The following FLRT2 variants were observed in gnomAD, a reference collection of about 807,000 sequenced individuals.
The protein encoded by FLRT2 is fibronectin leucine rich transmembrane protein 2.
Under a neutral mutation model 40.0 loss-of-function variants are expected in FLRT2, and 15 were observed. The observed-to-expected ratio is 0.38, with a 90% CI of 0.25 to 0.58. FLRT2 has a LOEUF of 0.58. FLRT2 is among the 20% of genes least tolerant of loss of function. The pLI, the probability that FLRT2 is intolerant of heterozygous loss-of-function variation, is 0.71. For missense variants in FLRT2, 726 were observed against 840.0 expected (o/e 0.86, Z 1.68); for synonymous variants, 380 against 336.8 (o/e 1.13, Z -1.41).
rs952859962 is a variant in FLRT2 at position 85,628,763 on chromosome 14, T to C, written c.*5266T>C. ...AGACAGTGCTAACAAGTAATTCATA[T>C]TACTTTTGGGGATTTTATGTAAAGT... On this transcript the variant is annotated 3_prime_UTR_variant, in exon 2 of 2. Coordinates refer to ENST00000330753, the MANE Select transcript of FLRT2 (RefSeq NM_013231.6). 1 of 152,228 alleles carries C rather than the reference T, an allele frequency of 6.6e-6. No homozygotes were observed. The highest frequency in any genetic ancestry group is 1.5e-5 in the Non-Finnish European group (1 of 68,040). 9.4% of individuals were successfully genotyped at this position (152,228 alleles called of 1,614,324 possible). A position where few individuals can be genotyped will look rare whatever the true frequency, so the allele number is the denominator to read the frequency against.
chr14:85,643,073 C>T lies in FLRT2; in HGVS notation c.*19576C>T, dbSNP rs1468371200. 2 of 152,096 alleles carry T rather than the reference C, an allele frequency of 1.3e-5. No individual in the cohort carries two copies. Among genetic ancestry groups the T allele is most frequent in the Admixed American group, 6.5e-5 (1 of 15,272 alleles). The allele number at this position is 152,096 out of a possible 1,614,324, so 9.4% of individuals were successfully genotyped here. A position where few individuals can be genotyped will look rare whatever the true frequency, so the allele number is the denominator to read the frequency against. On this transcript the variant is annotated 3_prime_UTR_variant, in exon 2 of 2. Coordinates refer to ENST00000330753, the MANE Select transcript of FLRT2 (RefSeq NM_013231.6). The stretch of plus-strand genomic sequence containing the variant: ...TGTCTCTTTTTATTAGGTCATTATT[C>T]TCAACATGAGGGCTCCACCCTTATG...
At chr14:85,570,560 AT>A (rs1184113624) in intron 1 of FLRT2, among the ~76,000 whole-genome samples, 10 of 103,112 alleles carry the variant, frequency 9.7e-5, no homozygotes, top group East Asian at 2.8e-4. Flanking sequence ...ATTTTTATTT[AT>A]TTTATTTATT....
chr14:85,551,524 T>G (rs1889617482), intron 1 of FLRT2, among the ~76,000 whole-genome samples: 1 of 152,230 alleles, frequency 6.6e-6, no homozygotes, highest in Non-Finnish European at 1.5e-5. Flanking sequence ...CCTCCATTTG[T>G]CCTGTTTATT....
At chr14:85,573,869 C>A (rs991004475) in intron 1 of FLRT2, among the ~76,000 whole-genome samples, 8 of 152,234 alleles carry the variant, frequency 5.3e-5, no homozygotes, top group African/African-American at 1.9e-4. Flanking sequence ...TATACCACAT[C>A]TAAAGGCTCA....
At chr14:85,602,585 G>A (rs1324857338) in intron 1 of FLRT2, among the ~76,000 whole-genome samples, 3 of 152,168 alleles carry the variant, frequency 2.0e-5, no homozygotes, top group Non-Finnish European at 4.4e-5. Flanking sequence ...CTCAGCACAG[G>A]GAACTATGAT....
rs1329594559 is a variant in FLRT2, at chr14:85,558,324, C to G, written c.-377+27790C>G. On this transcript the variant is annotated intron_variant, in intron 1 of 1. Coordinates refer to ENST00000330753, the MANE Select transcript of FLRT2 (RefSeq NM_013231.6). ...AATCCTTCAACATTTATCTTTGCATCAAAAATAAATTTTTTAAAAAAAGTA... is the reference window on the plus strand; with the variant it reads ...AATCCTTCAACATTTATCTTTGCATGAAAAATAAATTTTTTAAAAAAAGTA... Among the ~76,000 whole-genome samples, 3 of 151,014 alleles carry G rather than the reference C, an allele frequency of 2.0e-5. No individual in the cohort carries two copies. In the East Asian group the frequency reaches 5.8e-4, roughly 29 times the overall value.
In FLRT2 at chr14:85,614,242, G is replaced by A. The variant is rs539648219; in HGVS notation, c.-376-6897G>A. Among the ~76,000 whole-genome samples the A allele has an allele frequency of 2.0e-5, 3 of 152,302 alleles. No individual in the cohort carries two copies. In the South Asian group the frequency reaches 6.2e-4, roughly 32 times the overall value. ...CCTCTGTCTCCAGAGCCCAGCTCTTGCTCATAACACCTTTTCTACCTCTCT... is the reference window on the plus strand; with the variant it reads ...CCTCTGTCTCCAGAGCCCAGCTCTTACTCATAACACCTTTTCTACCTCTCT... On this transcript the variant is annotated intron_variant, in intron 1 of 1. Coordinates refer to ENST00000330753, the MANE Select transcript of FLRT2 (RefSeq NM_013231.6).
chr14:85,620,831 A>G (rs1021557491), intron 1 of FLRT2, among the ~76,000 whole-genome samples: 4 of 152,186 alleles, frequency 2.6e-5, no homozygotes, highest in African/African-American at 9.7e-5. Context: ...GTTGTAATTA[A>G]GTGTTTGGAT....
At chr14:85,552,564 A>C (rs1044552808) in intron 1 of FLRT2, among the ~76,000 whole-genome samples, 1 of 152,166 alleles carries the variant, frequency 6.6e-6, no homozygotes, top group Admixed American at 6.5e-5. Flanking sequence ...CAACTGCCTG[A>C]ATCATGCCCA....
rs1347748816 is a variant in FLRT2, at chr14:85,628,073, C to T, written c.*4576C>T. 6.5e-5 allele frequency: 10 copies of T among 153,698 alleles called. No individual in the cohort carries two copies. Among genetic ancestry groups the T allele is most frequent in the African/African-American group, 2.4e-4 (10 of 41,394 alleles). 9.5% of individuals were successfully genotyped at this position (153,698 alleles called of 1,614,324 possible). On this transcript the variant is annotated 3_prime_UTR_variant, in exon 2 of 2. Coordinates refer to ENST00000330753, the MANE Select transcript of FLRT2 (RefSeq NM_013231.6). ...TGAATATGACTTGCATTTCTAAAGG[C>T]CATTTGATCCTTTTTGTGTGAGGAG...
intron 1 of FLRT2, among the ~76,000 whole-genome samples, chr14:85,613,575 C>G (rs999470954): frequency 6.6e-6 from 1 of 152,162 alleles, no homozygotes; most frequent in Non-Finnish European, 1.5e-5. Flanking sequence ...TTGAAGATGT[C>G]AAAGAGTTTT....
Position 85,652,181 on chromosome 14 carries a change from T to C in FLRT2, c.*28684T>C, listed in dbSNP as rs987942900. The C allele has an allele frequency of 6.6e-6, 1 of 152,146 alleles. No homozygotes were observed. Among genetic ancestry groups the C allele is most frequent in the African/African-American group, 2.4e-5 (1 of 41,458 alleles). 9.4% of individuals were successfully genotyped at this position (152,146 alleles called of 1,614,324 possible). A position where few individuals can be genotyped will look rare whatever the true frequency, so the allele number is the denominator to read the frequency against. ...AGATTCTTTCATAAACATATTAAAG[T>C]CAATTATAATTCTGTTTTTAATGAC... is the stretch of plus-strand genomic sequence containing the variant. On this transcript the variant is annotated 3_prime_UTR_variant, in exon 2 of 2. Transcript: ENST00000330753.
At chr14:85,540,556 A>C (rs560963471) in intron 1 of FLRT2, among the ~76,000 whole-genome samples, 2 of 152,272 alleles carry the variant, frequency 1.3e-5, no homozygotes, top group Admixed American at 6.5e-5. Context: ...TCAGAAAACA[A>C]ATGCCTTGGT....
chr14:85,533,590 G>C (rs1888436403), intron 1 of FLRT2, among the ~76,000 whole-genome samples: 1 of 152,122 alleles, frequency 6.6e-6, no homozygotes, highest in Non-Finnish European at 1.5e-5. Flanking sequence ...TTTGGGGTTC[G>C]TTGGCTTGGC....
At position 85,638,932 on chromosome 14, in the gene FLRT2, T is replaced by G. The variant is rs1894078295; in HGVS notation, c.*15435T>G. ...ACAGTGCAAAAAAGCAAACAAAAGT[T>G]AGCTAATAATCAATTCTTTGAACGA... On this transcript the variant is annotated 3_prime_UTR_variant, in exon 2 of 2. Transcript: ENST00000330753. 2.0e-5 allele frequency: 3 copies of G among 152,300 alleles called. No homozygotes were observed. In the South Asian group the frequency reaches 6.2e-4, roughly 32 times the overall value. 9.4% of individuals were successfully genotyped at this position (152,300 alleles called of 1,614,324 possible).
chr14:85,602,630 A>G (rs1349829881), intron 1 of FLRT2, among the ~76,000 whole-genome samples: 1 of 152,226 alleles, frequency 6.6e-6, no homozygotes, highest in Non-Finnish European at 1.5e-5. Context: ...AGTGAAATGG[A>G]AAGAGTGGGC....
At chr14:85,540,910 A>G (rs1888949126) in intron 1 of FLRT2, among the ~76,000 whole-genome samples, 1 of 152,168 alleles carries the variant, frequency 6.6e-6, no homozygotes, top group South Asian at 2.1e-4. Context: ...AAAGAGGTCT[A>G]CTAATAAAAT....
chr14:85,530,354 C>G lies in FLRT2; in HGVS notation c.-557C>G, dbSNP rs1322707560. 1 of 152,666 alleles carries G rather than the reference C, an allele frequency of 6.6e-6. No individual in the cohort carries two copies. The highest frequency in any genetic ancestry group is 1.5e-5 in the Non-Finnish European group (1 of 68,092). The allele number at this position is 152,666 out of a possible 1,614,324, so 9.5% of individuals were successfully genotyped here. ...TCTCCGCTCCCGCCGCCGTGTCCAC[C>G]GAGCCCTGGGATCAGGGTGGCAGTT... On this transcript the variant is annotated 5_prime_UTR_variant, in exon 1 of 2. Coordinates refer to ENST00000330753, the MANE Select transcript of FLRT2 (RefSeq NM_013231.6).
intron 1 of FLRT2, among the ~76,000 whole-genome samples, chr14:85,619,947 G>A (rs1893307173): frequency 1.3e-5 from 2 of 152,336 alleles, no homozygotes; most frequent in East Asian, 1.9e-4. Flanking sequence ...ACAGACGGAA[G>A]GAAGGTGGTG....
Sources: gnomAD v4.1 joint callset for allele counts (sites outside exome capture counted in the v4.1 genomes callset) on GRCh38, gnomAD v4.1.1 for gene constraint, MANE v1.5 for transcripts, NCBI Gene and HGNC (gene_info 2026-07-23, HGNC 2026-07-21) for gene names.